ATP8B4: variants seen among roughly 807,000 people sequenced by gnomAD.
ATP8B4 encodes the protein ATPase phospholipid transporting 8B4 (putative), also known as probable phospholipid-transporting ATPase IM.
Under a neutral mutation model 145.6 loss-of-function variants are expected in ATP8B4, and 133 were observed. The ratio of observed to expected loss-of-function variants is 0.91; its 90% CI spans 0.79 to 1.05. ATP8B4 has a LOEUF of 1.05. Among genes scored for constraint, ATP8B4 ranks in the 50% least tolerant of loss-of-function variants. ATP8B4 has a pLI of 0.00. For synonymous variants in ATP8B4, 507 were observed against 492.9 expected (o/e 1.03, Z -0.38); for missense variants, 1,458 against 1,425.2 (o/e 1.02, Z -0.37).
intron 14 of ATP8B4, among the ~76,000 whole-genome samples, chr15:49,944,205 A>T (rs1338196405): frequency 6.6e-6 from 1 of 152,210 alleles, no homozygotes; most frequent in Non-Finnish European, 1.5e-5. Flanking sequence ...GGTAATAGTA[A>T]ATCCTTTCCT....
chr15:49,901,421 T>G (rs528657113), intron 20 of ATP8B4, among the ~76,000 whole-genome samples, 182 bp from the exon 21 acceptor site: 81 of 152,316 alleles, frequency 5.3e-4, no homozygotes, highest in African/African-American at 1.9e-3. Context: ...TTAGCAAATT[T>G]CCAAATTCCA....
At chr15:49,879,159 G>A (rs894941453) in intron 24 of ATP8B4, among the ~76,000 whole-genome samples, 1 of 152,202 alleles carries the variant, frequency 6.6e-6, no homozygotes, top group African/African-American at 2.4e-5. Flanking sequence ...TAAGAGAAGA[G>A]TAACCAACTT....
intron 6 of ATP8B4, among the ~76,000 whole-genome samples, chr15:50,019,236 G>C (rs1257966450): frequency 6.6e-6 from 1 of 152,174 alleles, no homozygotes; most frequent in Non-Finnish European, 1.5e-5. Flanking sequence ...ATGTAGCATA[G>C]TAGAAGAGTA....
chr15:50,135,670 G>T lies in ATP8B4; in HGVS notation c.-42-28662C>A, dbSNP rs559478364. On this transcript the variant is annotated intron_variant, in intron 1 of 3. Coordinates refer to the ATP8B4 transcript ENST00000558829. The stretch of plus-strand genomic sequence containing the variant: ...ATGCTTTCCGCTAAACAAGGAATTG[G>T]AGTCTACTTTCTGGACATATTTTCA... 6.6e-5 allele frequency among the ~76,000 whole-genome samples: 10 copies of T among 152,338 alleles called. No individual in the cohort carries two copies. In the East Asian group the frequency reaches 1.7e-3, roughly 26 times the overall value.
intron 9 of ATP8B4, among the ~76,000 whole-genome samples, chr15:49,993,769 C>T (rs1350367991): frequency 6.6e-6 from 1 of 152,080 alleles, no homozygotes; most frequent in African/African-American, 2.4e-5. Context: ...GAAAAAGTAA[C>T]TTAACAGAAA....
intron 6 of ATP8B4, among the ~76,000 whole-genome samples, chr15:50,023,779 C>CAAAAAAAAAAAAAAAAAAA (rs60030651): frequency 4.1e-4 from 31 of 75,044 alleles, no homozygotes; most frequent in East Asian, 7.7e-4. Context: ...AGACCAAAGG[C>CAAAAAAAAAAAAAAAAAAA]AAAAAAAAAA....
At chr15:50,105,668 T>A (rs2056640115) in intron 2 of ATP8B4, among the ~76,000 whole-genome samples, 1 of 152,158 alleles carries the variant, frequency 6.6e-6, no homozygotes, top group African/African-American at 2.4e-5. Flanking sequence ...CAACCTCAAG[T>A]AGTTATTTCT....
At chr15:49,911,429 T>A (rs1350636417) in intron 20 of ATP8B4, among the ~76,000 whole-genome samples, 1 of 152,086 alleles carries the variant, frequency 6.6e-6, no homozygotes, top group Non-Finnish European at 1.5e-5. Context: ...GCCAAAATTA[T>A]CATTTTATAA....
At chr15:49,868,516 G>A (rs1238848644) in intron 25 of ATP8B4, among the ~76,000 whole-genome samples, 1 of 152,178 alleles carries the variant, frequency 6.6e-6, no homozygotes, top group Non-Finnish European at 1.5e-5. Flanking sequence ...GGTGAGCAAT[G>A]ATTCTTGTAA....
chr15:50,155,296 G>A (rs534767499), intron 1 of ATP8B4, among the ~76,000 whole-genome samples: 1 of 152,146 alleles, frequency 6.6e-6, no homozygotes, highest in Non-Finnish European at 1.5e-5. Context: ...GGCTTATAGT[G>A]TATAGTTGTA....
chr15:49,973,079 T>C (rs1024034678), intron 12 of ATP8B4, among the ~76,000 whole-genome samples: 1 of 152,104 alleles, frequency 6.6e-6, no homozygotes, highest in African/African-American at 2.4e-5. Context: ...AGACTTTGTG[T>C]GTAGTGTATT....
intron 3 of ATP8B4, among the ~76,000 whole-genome samples, chr15:50,059,092 A>G (rs2052817910): frequency 6.6e-6 from 1 of 152,154 alleles, no homozygotes; most frequent in Non-Finnish European, 1.5e-5. Context: ...ACCAAATTTG[A>G]GGTTATGCTT....
At position 49,969,660 on chromosome 15, in the gene ATP8B4, C is replaced by A. The variant is rs113531917; in HGVS notation, c.1243+2922G>T. 3.3e-5 allele frequency among the ~76,000 whole-genome samples: 5 copies of A among 152,162 alleles called. 1 individual carries two copies. The highest frequency in any genetic ancestry group is 1.2e-4 in the African/African-American group (5 of 41,504). ...CCTACCAACAAAAAAAGCCCAAGAC[C>A]AGAGAGATTCACAGCTGAAATGTAC... On this transcript the variant is annotated intron_variant, in intron 13 of 27. Transcript: ENST00000284509.
At chr15:50,112,535 C>G (rs949831170) in intron 1 of ATP8B4, among the ~76,000 whole-genome samples, 4 of 152,022 alleles carry the variant, frequency 2.6e-5, no homozygotes, top group African/African-American at 4.8e-5. Context: ...CTGTTCCGTT[C>G]GGCTTGCCTC....
intron 2 of ATP8B4, among the ~76,000 whole-genome samples, chr15:50,081,068 A>G (rs1008239794): frequency 1.3e-5 from 2 of 151,084 alleles, no homozygotes; most frequent in Admixed American, 1.3e-4. Flanking sequence ...AGCCGAGATC[A>G]CGCCACTGCA....
intron 6 of ATP8B4, among the ~76,000 whole-genome samples, chr15:50,018,364 T>C (rs2049263712): frequency 1.3e-5 from 2 of 152,176 alleles, no homozygotes; most frequent in Non-Finnish European, 2.9e-5. Context: ...ACCACTCTTA[T>C]GTGTACAAAA....
chr15:49,862,504 T>C (rs1031410755), intron 26 of ATP8B4, 129 bp from the exon 27 acceptor site: 2 of 1,051,526 alleles, frequency 1.9e-6, no homozygotes, highest in Admixed American at 2.7e-5. Flanking sequence ...TCCAGGCTGG[T>C]GGAATGCAGT....
intron 2 of ATP8B4, among the ~76,000 whole-genome samples, chr15:50,093,411 A>G (rs1472068269): frequency 2.0e-5 from 3 of 152,242 alleles, no homozygotes; most frequent in Admixed American, 6.6e-5. Flanking sequence ...AAGAGTTAAA[A>G]TATTCTAAAT....
chr15:50,101,110 G>A (rs940821484), intron 2 of ATP8B4, among the ~76,000 whole-genome samples: 5 of 151,966 alleles, frequency 3.3e-5, no homozygotes, highest in African/African-American at 4.8e-5. Context: ...TTCAGTTTAC[G>A]AACATTGATT....
Sources: gnomAD v4.1 joint callset for allele counts (sites outside exome capture counted in the v4.1 genomes callset) on GRCh38, gnomAD v4.1.1 for gene constraint, MANE v1.5 for transcripts, NCBI Gene and HGNC (gene_info 2026-07-23, HGNC 2026-07-21) for gene names.